The following CREG2 variants were observed in gnomAD, a reference collection of about 807,000 sequenced individuals.
CREG2 encodes protein CREG2.
A neutral mutation model predicts 26.2 loss-of-function variants in CREG2; 24 were observed. That is an observed-to-expected ratio of 0.92 (90% CI 0.66 to 1.29). CREG2 has a LOEUF of 1.29. Among genes scored for constraint, CREG2 ranks in the 50% most tolerant of loss-of-function variants. The pLI, the probability that CREG2 is intolerant of heterozygous loss-of-function variation, is 0.00. For missense variants in CREG2, 366 were observed against 398.6 expected (o/e 0.92, Z 0.70); for synonymous variants, 174 against 169.2 (o/e 1.03, Z -0.22).
In CREG2 at chr2:101,354,503, G is replaced by T. The variant is rs189961735; in HGVS notation, c.725+750C>A. On this transcript the variant is annotated intron_variant, in intron 3 of 3. Coordinates refer to ENST00000324768, the MANE Select transcript of CREG2 (RefSeq NM_153836.4). ...GGATCGCCCCTCCAGCTCAACACTT[G>T]CCTTCGTGTTACTCTCCCTCTACTG... Among the ~76,000 whole-genome samples, 3 of 152,140 alleles carry T rather than the reference G, an allele frequency of 2.0e-5. No individual in the cohort carries two copies. In the East Asian group the frequency reaches 5.8e-4, roughly 30 times the overall value.
chr2:101,362,992 GCTGGC>G (rs1304235853), intron 2 of CREG2, among the ~76,000 whole-genome samples: 2 of 152,218 alleles, frequency 1.3e-5, no homozygotes, highest in African/African-American at 4.8e-5. Context: ...ACTCATCGAG[GCTGGC>G]CTGGTCCCCA....
intron 2 of CREG2, among the ~76,000 whole-genome samples, chr2:101,375,381 G>T (rs1016185474): frequency 6.6e-6 from 1 of 152,158 alleles, no homozygotes; most frequent in Non-Finnish European, 1.5e-5. Context: ...GCTCTGCCAA[G>T]AGCCACTGGT....
rs907052425 is a variant in CREG2 at position 101,347,807 on chromosome 2, A to G, written c.*3116T>C. 1.8e-4 allele frequency: 27 copies of G among 152,322 alleles called. No homozygotes were observed. The highest frequency in any genetic ancestry group is 5.8e-4 in the African/African-American group (24 of 41,570). The allele number at this position is 152,322 out of a possible 1,614,324, so 9.4% of individuals were successfully genotyped here. On this transcript the variant is annotated 3_prime_UTR_variant, in exon 4 of 4. Transcript: ENST00000324768. ...CTTTTAACATGGTCTTTTGCAGAAC[A>G]AATGTTTTAAATTCTGATGAAGTTT...
chr2:101,379,476 T>A (rs983906358), intron 2 of CREG2, among the ~76,000 whole-genome samples: 1 of 152,226 alleles, frequency 6.6e-6, no homozygotes, highest in Non-Finnish European at 1.5e-5. Context: ...TCTGGAGCCA[T>A]GGATACTCAA....
intron 2 of CREG2, among the ~76,000 whole-genome samples, chr2:101,356,008 A>G (rs1350398833): frequency 1.3e-5 from 2 of 152,092 alleles, no homozygotes; most frequent in Non-Finnish European, 2.9e-5. Context: ...ACAGACTTAA[A>G]GGCTGGTGAG....
intron 2 of CREG2, among the ~76,000 whole-genome samples, chr2:101,371,060 C>T (rs1684699178): frequency 6.6e-6 from 1 of 152,180 alleles, no homozygotes; most frequent in Non-Finnish European, 1.5e-5. Flanking sequence ...GCAGGCAGAT[C>T]TCTTGCTACT....
intron 3 of CREG2, among the ~76,000 whole-genome samples, chr2:101,354,257 A>C (rs1477665220): frequency 6.6e-6 from 1 of 152,206 alleles, no homozygotes; most frequent in African/African-American, 2.4e-5. Flanking sequence ...AAAAGCTAGC[A>C]ATAAAAAATA....
chr2:101,370,374 T>C lies in CREG2; in HGVS notation c.611+13159A>G, dbSNP rs149433022. 3.5e-4 allele frequency among the ~76,000 whole-genome samples: 54 copies of C among 152,316 alleles called. 1 individual carries two copies. The highest frequency in any genetic ancestry group is 6.5e-4 in the Admixed American group (10 of 15,304). ...ACTGACCATAGCTACCATTTATTGG[T>C]GCTGAGAGTGTGCTCAAAACTTTAC... On this transcript the variant is annotated intron_variant, in intron 2 of 3. Transcript: ENST00000324768.
At chr2:101,382,534 A>G (rs1238911177) in intron 2 of CREG2, 1 of 985,048 alleles carries the variant, frequency 1.0e-6, no homozygotes, top group African/African-American at 1.7e-5. Flanking sequence ...TTCCATGAGA[A>G]AGGAAATGTT....
intron 2 of CREG2, among the ~76,000 whole-genome samples, chr2:101,367,452 T>C (rs977580716): frequency 1.3e-4 from 20 of 152,228 alleles, no homozygotes; most frequent in East Asian, 1.2e-3. Flanking sequence ...ATTTGTATTA[T>C]AAATAAGTGC....
At chr2:101,382,847 T>C (rs1360431969) in intron 2 of CREG2, 44 of 985,398 alleles carry the variant, frequency 4.5e-5, no homozygotes, top group Non-Finnish European at 4.8e-5. Context: ...CAGGCCATCC[T>C]GGGCATTTGC....
chr2:101,387,375 G>A lies in CREG2; in HGVS notation c.83C>T (p.Pro28Leu). ...WLLCCSALLS[P>L]AAGYVIVSSV... ...GCTCACGATCACGTAGCCCGCGGCC[G>A]GGGACAGCAGGGCGCTGCAGCACAG... The change falls in exon 1 of 4, where the codon CCG becomes CTG. Residue 28 changes from proline (P) to leucine (L), a missense_variant. By Grantham distance (98) the Pro-to-Leu change is moderately conservative (BLOSUM62 -3). Coordinates refer to ENST00000324768, the MANE Select transcript of CREG2 (RefSeq NM_153836.4). This position sits in a 1 kb window ranked among gnomAD's most constrained non-coding sequence, Gnocchi z 4.7. 2 of 1,466,164 alleles carry A rather than the reference G, an allele frequency of 1.4e-6. No homozygotes were observed. Among genetic ancestry groups the A allele is most frequent in the Non-Finnish European group, 1.8e-6 (2 of 1,101,662 alleles). The allele number at this position is 1,466,164 out of a possible 1,614,324, so 90.8% of individuals were successfully genotyped here.
Position 101,387,013 on chromosome 2 carries a change from T to A in CREG2, c.441+4A>T. 1.6e-6 allele frequency: 2 copies of A among 1,232,074 alleles called. No homozygotes were observed. The highest frequency in any genetic ancestry group is 3.1e-4 in the Middle Eastern group (1 of 3,216). 76.3% of individuals were successfully genotyped at this position (1,232,074 alleles called of 1,614,324 possible). A position where few individuals can be genotyped will look rare whatever the true frequency, so the allele number is the denominator to read the frequency against. On this transcript the variant is annotated splice_donor_region_variant and intron_variant, in intron 1 of 3. Coordinates refer to ENST00000324768, the MANE Select transcript of CREG2 (RefSeq NM_153836.4). The surrounding 1 kb of genome is among the most constrained non-coding windows in gnomAD (Gnocchi z 4.7). ...CCCCCTCGCGCTCCCCGCCGGGCGC[T>A]CACCTTCTTGTGGGTGGACACGGTG...
intron 2 of CREG2, chr2:101,383,225 T>C: frequency 2.6e-6 from 1 of 392,034 alleles, no homozygotes; most frequent in East Asian, 6.6e-5. Context: ...AGGAGCTGTC[T>C]GGACTCCTGC....
chr2:101,356,787 T>C (rs1251365769), intron 2 of CREG2, among the ~76,000 whole-genome samples: 1 of 152,198 alleles, frequency 6.6e-6, no homozygotes, highest in African/African-American at 2.4e-5. Context: ...GTGATCATAT[T>C]TGTGACTGCT....
At chr2:101,378,534 T>C (rs1020871904) in intron 2 of CREG2, among the ~76,000 whole-genome samples, 1 of 152,226 alleles carries the variant, frequency 6.6e-6, no homozygotes, top group Non-Finnish European at 1.5e-5. Flanking sequence ...TGTAGAAATC[T>C]ATATATCAAA....
Position 101,387,272 on chromosome 2 carries a change from C to A in CREG2, c.186G>T (p.Leu62=). 1 of 1,477,758 alleles carries A rather than the reference C, an allele frequency of 6.8e-7. No individual in the cohort carries two copies. Among genetic ancestry groups the A allele is most frequent in the Non-Finnish European group, 9.0e-7 (1 of 1,106,232 alleles). The allele number at this position is 1,477,758 out of a possible 1,614,324, so 91.5% of individuals were successfully genotyped here. Residue 62 remains leucine, a synonymous_variant, in exon 1 of 4, where the codon CTG becomes CTT. Transcript: ENST00000324768. This position sits in a 1 kb window ranked among gnomAD's most constrained non-coding sequence, Gnocchi z 4.7. ...GCCAGATGCTGCCCGAATCCTCTAG[C>A]AGCGCGGGCATAGCCTCCTCAGTGG... is the stretch of plus-strand genomic sequence containing the variant. The part of the protein sequence containing the change: ...SASTEEAMPA[L]LEDSGSIWQQ...
At chr2:101,363,456 C>A (rs1684574368) in intron 2 of CREG2, among the ~76,000 whole-genome samples, 1 of 152,156 alleles carries the variant, frequency 6.6e-6, no homozygotes, top group South Asian at 2.1e-4. Context: ...TTTGTAAGAG[C>A]TTCACAAGGG....
chr2:101,376,221 C>T (rs1201407833), intron 2 of CREG2, among the ~76,000 whole-genome samples: 1 of 152,114 alleles, frequency 6.6e-6, no homozygotes, highest in Non-Finnish European at 1.5e-5. Context: ...CAGAGAAGTC[C>T]GTTGAACAGA....
Sources: gnomAD v4.1 joint callset for allele counts (sites outside exome capture counted in the v4.1 genomes callset) on GRCh38, gnomAD v4.1.1 for gene constraint, Gnocchi (gnomAD v3.1) non-coding constraint, MANE v1.5 for transcripts, NCBI Gene and HGNC (gene_info 2026-07-23, HGNC 2026-07-21) for gene names.